The following JAKMIP1 variants were observed in gnomAD, a reference collection of about 807,000 sequenced individuals.
JAKMIP1 encodes the protein janus kinase and microtubule interacting protein 1.
In JAKMIP1, 33 loss-of-function variants were observed where a neutral mutation model predicts 113.0. That is an observed-to-expected ratio of 0.29 (90% confidence interval 0.22 to 0.39). JAKMIP1 has a LOEUF of 0.39. Among genes scored for constraint, JAKMIP1 ranks in the 10% least tolerant of loss-of-function variants. The pLI, the probability that JAKMIP1 is intolerant of heterozygous loss-of-function variation, is 1.00. For synonymous variants in JAKMIP1, 480 were observed against 459.9 expected (o/e 1.04, Z -0.56); for missense variants, 813 against 1,080.5 (o/e 0.75, Z 3.47).
intron 1 of JAKMIP1, among the ~76,000 whole-genome samples, chr4:6,114,450 G>A (rs903439960): frequency 1.3e-5 from 2 of 152,140 alleles, no homozygotes; most frequent in South Asian, 2.1e-4. Context: ...GGGTGCCCAG[G>A]GATGGTCTGG....
At position 6,187,982 on chromosome 4, in the gene JAKMIP1, G is replaced by A. The variant is rs1368165210; in HGVS notation, c.-148+12271C>T. Among the ~76,000 whole-genome samples, 1 of 152,200 alleles carries A rather than the reference G, an allele frequency of 6.6e-6. No homozygotes were observed. Among genetic ancestry groups the A allele is most frequent in the Non-Finnish European group, 1.5e-5 (1 of 68,030 alleles). ...GACACCGTGTTTGCCATGTAAGTCAGGAGCAAGGACTTCAAAGAGGTATTT... is the reference window on the plus strand; with the variant it reads ...GACACCGTGTTTGCCATGTAAGTCAAGAGCAAGGACTTCAAAGAGGTATTT... On this transcript the variant is annotated intron_variant, in intron 1 of 20. Coordinates refer to ENST00000409021, the MANE Select transcript of JAKMIP1 (RefSeq NM_001099433.2). This position sits in a 1 kb window ranked among gnomAD's most constrained non-coding sequence, Gnocchi z 4.2.
intron 8 of JAKMIP1, among the ~76,000 whole-genome samples, chr4:6,075,211 G>C (rs4257603): frequency 6.6e-6 from 1 of 152,098 alleles, no homozygotes; most frequent in Non-Finnish European, 1.5e-5. Flanking sequence ...ATGTTCAGTA[G>C]AGATGCAACC....
At chr4:6,101,628 T>A (rs1257830433) in intron 3 of JAKMIP1, among the ~76,000 whole-genome samples, 2 of 151,600 alleles carry the variant, frequency 1.3e-5, no homozygotes, top group Non-Finnish European at 2.9e-5. Flanking sequence ...GACTCACGTC[T>A]GTAATCCTAG....
At chr4:6,056,844 CT>C in intron 11 of JAKMIP1, 85 bp from the exon 12 acceptor site, 1 of 881,556 alleles carries the variant, frequency 1.1e-6, no homozygotes, top group Non-Finnish European at 1.9e-6. Context: ...AGGTCACTTT[CT>C]ATGAAACTGA....
In JAKMIP1 at chr4:6,140,145, A is replaced by G. The variant is rs1578359827; in HGVS notation, c.-147-27148T>C. 6.6e-6 allele frequency among the ~76,000 whole-genome samples: 1 copy of G among 152,102 alleles called. No individual in the cohort carries two copies. ...TATTGTCCCAGTTTTTTGGAGACCA[A>G]TTTCATACACACAGGGGAGAAAGGC... On this transcript the variant is annotated intron_variant, in intron 1 of 20. Coordinates refer to ENST00000409021, the MANE Select transcript of JAKMIP1 (RefSeq NM_001099433.2). This position sits in a 1 kb window ranked among gnomAD's most constrained non-coding sequence, Gnocchi z 9.4.
Position 6,180,392 on chromosome 4 carries a change from A to C in JAKMIP1, c.-148+19861T>G, listed in dbSNP as rs1255447746. On this transcript the variant is annotated intron_variant, in intron 1 of 20. Coordinates refer to ENST00000409021, the MANE Select transcript of JAKMIP1 (RefSeq NM_001099433.2). This position sits in a 1 kb window ranked among gnomAD's most constrained non-coding sequence, Gnocchi z 4.5. ...AGTCTTCTTTCTTATTGAGATTTTC[A>C]CTATAAAATCTTATCAGCTGCTGAA... Among the ~76,000 whole-genome samples the C allele has an allele frequency of 6.6e-6, 1 of 152,200 alleles. No homozygotes were observed. Among genetic ancestry groups the C allele is most frequent in the Non-Finnish European group, 1.5e-5 (1 of 68,036 alleles).
At chr4:6,170,272 C>T (rs1724290150) in intron 1 of JAKMIP1, among the ~76,000 whole-genome samples, 1 of 149,326 alleles carries the variant, frequency 6.7e-6, no homozygotes. Flanking sequence ...CCACCACCAC[C>T]ACCATCACCA....
At chr4:6,148,787 T>C (rs1721195663) in intron 1 of JAKMIP1, among the ~76,000 whole-genome samples, 1 of 152,246 alleles carries the variant, frequency 6.6e-6, no homozygotes, top group African/African-American at 2.4e-5. Context: ...CAGGACCTCG[T>C]CTGCCAGCAT....
chr4:6,042,019 T>C lies in JAKMIP1; in HGVS notation c.2097+140A>G. ...AGTAAGTAAATGGGTGACAATTACTTAGAACAACCACTGGGGCAAAAGCAA... is the reference window on the plus strand; with the variant it reads ...AGTAAGTAAATGGGTGACAATTACTCAGAACAACCACTGGGGCAAAAGCAA... On this transcript the variant is annotated intron_variant, in intron 17 of 20. Transcript: ENST00000409021. The surrounding 1 kb of genome is among the most constrained non-coding windows in gnomAD (Gnocchi z 5.2). 1 of 659,386 alleles carries C rather than the reference T, an allele frequency of 1.5e-6. No individual in the cohort carries two copies. The highest frequency in any genetic ancestry group is 2.7e-6 in the Non-Finnish European group (1 of 371,610). The allele number at this position is 659,386 out of a possible 1,614,324, so 40.8% of individuals were successfully genotyped here.
In JAKMIP1 at chr4:6,156,595, T is replaced by C. The variant is rs533854956; in HGVS notation, c.-147-43598A>G. On this transcript the variant is annotated intron_variant, in intron 1 of 20. Coordinates refer to ENST00000409021, the MANE Select transcript of JAKMIP1 (RefSeq NM_001099433.2). The surrounding 1 kb of genome is among the most constrained non-coding windows in gnomAD (Gnocchi z 5.0). The stretch of plus-strand genomic sequence containing the variant: ...TCCTGGTGACCCAGGGCTTAGCTAC[T>C]GAGATGCAACTCAAAGATCTGATGC... Among the ~76,000 whole-genome samples the C allele has an allele frequency of 6.6e-6, 1 of 152,242 alleles. No individual in the cohort carries two copies. Among genetic ancestry groups the C allele is most frequent in the African/African-American group, 2.4e-5 (1 of 41,470 alleles).
In JAKMIP1 at chr4:6,179,649, G is replaced by C. The variant is rs560138699; in HGVS notation, c.-148+20604C>G. On this transcript the variant is annotated intron_variant, in intron 1 of 20. Transcript: ENST00000409021. The surrounding 1 kb of genome is among the most constrained non-coding windows in gnomAD (Gnocchi z 4.5). ...TGGCCCAGCAGTGGCCCTGAGTCAG[G>C]CTGCATGGGTCTCTTGGGGTATCAC... Among the ~76,000 whole-genome samples the C allele has an allele frequency of 6.6e-6, 1 of 152,310 alleles. No individual in the cohort carries two copies. The highest frequency in any genetic ancestry group is 1.9e-4 in the East Asian group (1 of 5,178).
At position 6,031,075 on chromosome 4, in the gene JAKMIP1, G is replaced by A. The variant is rs1008415934; in HGVS notation, c.2380-1294C>T. On this transcript the variant is annotated intron_variant, in intron 19 of 20. Transcript: ENST00000409021. This position sits in a 1 kb window ranked among gnomAD's most constrained non-coding sequence, Gnocchi z 4.4. ...TCCCTCCCCTTATAGTTCAATTACCGTTCAGACAATAGCAGCATACACATA... is the reference window on the plus strand; with the variant it reads ...TCCCTCCCCTTATAGTTCAATTACCATTCAGACAATAGCAGCATACACATA... 6.6e-6 allele frequency among the ~76,000 whole-genome samples: 1 copy of A among 152,158 alleles called. No individual in the cohort carries two copies. The highest frequency in any genetic ancestry group is 1.5e-5 in the Non-Finnish European group (1 of 68,032).
rs569994220 is a variant in JAKMIP1 at position 6,124,925 on chromosome 4, C to T, written c.-147-11928G>A. ...ACCATCTATCTCCAGGACTATGAGG[C>T]CAGCTGGGTTGAGATTGCCACAGGA... On this transcript the variant is annotated intron_variant, in intron 1 of 20. Coordinates refer to ENST00000409021, the MANE Select transcript of JAKMIP1 (RefSeq NM_001099433.2). Among the ~76,000 whole-genome samples the T allele has an allele frequency of 2.8e-3, 421 of 152,298 alleles. 1 individual carries two copies. The highest frequency in any genetic ancestry group is 3.6e-3 in the Non-Finnish European group (246 of 68,012).
rs1362748482 is a variant in JAKMIP1, at chr4:6,086,683, A to G, written c.625-1054T>C. On this transcript the variant is annotated intron_variant, in intron 3 of 20. Coordinates refer to ENST00000409021, the MANE Select transcript of JAKMIP1 (RefSeq NM_001099433.2). The surrounding 1 kb of genome is among the most constrained non-coding windows in gnomAD (Gnocchi z 4.1). ...CCTGGTTGAATAGCAGGCCCCCAAG[A>G]CCCATGGCCTTCCTGGAACTTCAGA... Among the ~76,000 whole-genome samples the G allele has an allele frequency of 6.6e-6, 1 of 151,852 alleles. No homozygotes were observed. Among genetic ancestry groups the G allele is most frequent in the East Asian group, 1.9e-4 (1 of 5,164 alleles).
Position 6,186,941 on chromosome 4 carries a change from A to G in JAKMIP1, c.-148+13312T>C, listed in dbSNP as rs1470797863. Among the ~76,000 whole-genome samples, 2 of 151,848 alleles carry G rather than the reference A, an allele frequency of 1.3e-5. No homozygotes were observed. Among genetic ancestry groups the G allele is most frequent in the African/African-American group, 2.4e-5 (1 of 41,320 alleles). ...CTCCCCAGGCTCAGGTGATCCTCTC[A>G]CCTCAGCCTCCTAAGTAGCTGGGAC... On this transcript the variant is annotated intron_variant, in intron 1 of 20. Coordinates refer to ENST00000409021, the MANE Select transcript of JAKMIP1 (RefSeq NM_001099433.2). The surrounding 1 kb of genome is among the most constrained non-coding windows in gnomAD (Gnocchi z 5.5).
rs1334991722 is a variant in JAKMIP1 at position 6,158,040 on chromosome 4, A to G, written c.-148+42213T>C. On this transcript the variant is annotated intron_variant, in intron 1 of 20. Coordinates refer to ENST00000409021, the MANE Select transcript of JAKMIP1 (RefSeq NM_001099433.2). This position sits in a 1 kb window ranked among gnomAD's most constrained non-coding sequence, Gnocchi z 5.3. ...CACATTTCCAGGGCTATGTGCTATG[A>G]GGTAGGGCTCAAGCTGTCGGCCAGC... 6.6e-6 allele frequency among the ~76,000 whole-genome samples: 1 copy of G among 152,126 alleles called. No individual in the cohort carries two copies. Among genetic ancestry groups the G allele is most frequent in the Non-Finnish European group, 1.5e-5 (1 of 68,024 alleles).
chr4:6,077,239 T>G (rs910490053), intron 8 of JAKMIP1, among the ~76,000 whole-genome samples: 2 of 152,128 alleles, frequency 1.3e-5, no homozygotes, highest in African/African-American at 2.4e-5. Context: ...TAATCCAGCA[T>G]GAGTGGTGGC....
intron 1 of JAKMIP1, among the ~76,000 whole-genome samples, chr4:6,175,749 C>T (rs1330084596): frequency 2.0e-5 from 3 of 152,226 alleles, no homozygotes; most frequent in Non-Finnish European, 4.4e-5. Flanking sequence ...CTCTCGGCAC[C>T]TGGAAAAGAC....
At position 6,140,492 on chromosome 4, in the gene JAKMIP1, C is replaced by T. The variant is rs961988865; in HGVS notation, c.-147-27495G>A. ...GGGGGTCAGTGATTCGTGGTCCCCC[C>T]GATCAGCTTAAGGCCCCTTCCAATA... On this transcript the variant is annotated intron_variant, in intron 1 of 20. Coordinates refer to ENST00000409021, the MANE Select transcript of JAKMIP1 (RefSeq NM_001099433.2). The surrounding 1 kb of genome is among the most constrained non-coding windows in gnomAD (Gnocchi z 9.4). Among the ~76,000 whole-genome samples the T allele has an allele frequency of 8.5e-5, 13 of 152,192 alleles. No individual in the cohort carries two copies. Among genetic ancestry groups the T allele is most frequent in the African/African-American group, 1.4e-4 (6 of 41,460 alleles).
Sources: gnomAD v4.1 joint callset for allele counts (sites outside exome capture counted in the v4.1 genomes callset) on GRCh38, gnomAD v4.1.1 for gene constraint, Gnocchi (gnomAD v3.1) non-coding constraint, MANE v1.5 for transcripts, NCBI Gene and HGNC (gene_info 2026-07-23, HGNC 2026-07-21) for gene names.